Variants in KLK5 observed in about 807,000 individuals in gnomAD.
KLK5 encodes the protein kallikrein-5.
KLK5 carries 18 observed loss-of-function variants against 24.0 expected under a neutral mutation model. The observed-to-expected ratio is 0.75, with a 90% CI of 0.52 to 1.11. The LOEUF (loss-of-function observed/expected upper bound fraction) is 1.11, where lower values mean the gene tolerates loss of function less well. Among genes scored for constraint, KLK5 ranks in the 50% most tolerant of loss-of-function variants. The pLI is 0.00. For missense variants in KLK5, 374 were observed against 379.2 expected (o/e 0.99, Z 0.11); for synonymous variants, 140 against 154.0 (o/e 0.91, Z 0.67).
chr19:50,949,791 ACTTCCCCAC>A, intron 3 of KLK5, 55 bp downstream of exon 3: 1 of 71,648 alleles, frequency 1.4e-5, no homozygotes, highest in Non-Finnish European at 2.4e-5. Flanking sequence ...CCCCACCCCC[ACTTCCCCAC>A]CCCCACCCCC....
chr19:50,951,516 C>A (rs1330335587), intron 2 of KLK5, among the ~76,000 whole-genome samples: 1 of 152,102 alleles, frequency 6.6e-6, no homozygotes, highest in African/African-American at 2.4e-5. Context: ...AGGTGATCCG[C>A]CTGCCTCGGC....
intron 5 of KLK5, among the ~76,000 whole-genome samples, chr19:50,945,325 G>A (rs1406930107): frequency 6.7e-6 from 1 of 149,940 alleles, no homozygotes; most frequent in Non-Finnish European, 1.5e-5. Flanking sequence ...TTTATTGCCT[G>A]TCTTCCACTT....
At chr19:50,943,857 C>A in intron 5 of KLK5, 71 bp from the exon 6 acceptor site, 1 of 1,191,670 alleles carries the variant, frequency 8.4e-7, no homozygotes. Context: ...ACATGAGAGA[C>A]CCAGAGATGC....
At chr19:50,949,793 T>G (rs2090668573) in intron 3 of KLK5, 62 bp downstream of exon 3, 12 of 91,860 alleles carry the variant, frequency 1.3e-4, no homozygotes, top group African/African-American at 1.4e-4. Flanking sequence ...CCACCCCCAC[T>G]TCCCCACCCC....
Position 50,950,079 on chromosome 19 carries a change from G to T in KLK5, c.111C>A (p.His37Gln), listed in dbSNP as rs1231738267. The change falls in exon 3 of 6, where the codon CAC becomes CAA. Residue 37 changes from histidine to glutamine, a missense_variant. Transcript: ENST00000336334. ...VLANNDVSCD[H>Q]PSNTVPSGSN... ...TCCCAGAGGGCACGGTGTTAGAGGGGTGGTCACAGGAAACATCATTGTTGG... is the reference window on the plus strand; with the variant it reads ...TCCCAGAGGGCACGGTGTTAGAGGGTTGGTCACAGGAAACATCATTGTTGG... 1 of 1,613,500 alleles carries T rather than the reference G, an allele frequency of 6.2e-7. No individual in the cohort carries two copies. The highest frequency in any genetic ancestry group is 1.7e-5 in the Admixed American group (1 of 59,936).
rs550293539 is a variant in KLK5, at chr19:50,948,915, G to A, written c.536C>T (p.Pro179Leu). 3 of 1,614,000 alleles carry A rather than the reference G, an allele frequency of 1.9e-6. No homozygotes were observed. The South Asian group carries it at 3.3e-5, about 18-fold the overall frequency. Reference protein sequence around the residue: ...VRPINVSSHCPSAGTKCLVSG... With the variant: ...VRPINVSSHCLSAGTKCLVSG... ...CACCAAGCACTTTGTCCCAGCAGAG[G>A]GACAATGAGAGGAGACGTTGATGGG... Residue 179 changes from proline (P) to leucine (L), a missense_variant, in exon 4 of 6, where the codon CCC becomes CTC. By Grantham distance (98) the Pro-to-Leu change is moderately conservative. Coordinates refer to ENST00000336334, the MANE Select transcript of KLK5 (RefSeq NM_012427.5).
In KLK5 at chr19:50,948,853, A is replaced by C. The variant is rs770205943; in HGVS notation, c.592+6T>G. On this transcript the variant is annotated splice_donor_region_variant and intron_variant, in intron 4 of 5. Coordinates refer to ENST00000336334, the MANE Select transcript of KLK5 (RefSeq NM_012427.5). ...GGTCGGTATCAAGAAGAACCTGGAC[A>C]CTCACCTTGGGGGCTCTTGGTTGTC... 1 of 1,613,906 alleles carries C rather than the reference A, an allele frequency of 6.2e-7. No individual in the cohort carries two copies. Among genetic ancestry groups the C allele is most frequent in the Non-Finnish European group, 8.5e-7 (1 of 1,179,980 alleles).
chr19:50,952,121 C>A (rs1349092831), intron 2 of KLK5, among the ~76,000 whole-genome samples: 1 of 100,828 alleles, frequency 9.9e-6, no homozygotes, highest in African/African-American at 3.9e-5. Flanking sequence ...AGCACACAGT[C>A]ACAGCTTTCC....
chr19:50,945,137 T>C (rs1431391097), intron 5 of KLK5, among the ~76,000 whole-genome samples: 2 of 151,290 alleles, frequency 1.3e-5, no homozygotes, highest in African/African-American at 4.9e-5. Context: ...CGTCTTGCTT[T>C]GTCACCCAGG....
At chr19:50,950,667 G>A (rs868829581) in intron 2 of KLK5, among the ~76,000 whole-genome samples, 3 of 152,176 alleles carry the variant, frequency 2.0e-5, no homozygotes, top group East Asian at 1.9e-4. Context: ...CGAGGTGGGC[G>A]GATCACCTGA....
At position 50,951,551 on chromosome 19, in the gene KLK5, C is replaced by T. The variant is rs535304391; in HGVS notation, c.73+1034G>A. On this transcript the variant is annotated intron_variant, in intron 2 of 5. Transcript: ENST00000336334. ...CCTCCCAAAGGGCTGGGATTACAGG[C>T]GTGAGCCACCGCGCCCGGCCTGGTT... Among the ~76,000 whole-genome samples the T allele has an allele frequency of 6.5e-3, 985 of 152,254 alleles. 4 individuals are homozygous for T. The highest frequency in any genetic ancestry group is 0.023 in the African/African-American group (948 of 41,542).
intron 3 of KLK5, 127 bp downstream of exon 3, chr19:50,949,728 T>C: frequency 4.0e-6 from 2 of 494,292 alleles, no homozygotes; most frequent in South Asian, 2.1e-5. Flanking sequence ...TCACCTTCCA[T>C]GACACCCCCA....
chr19:50,943,866 GC>G, intron 5 of KLK5, 80 bp from the exon 6 acceptor site: 1 of 1,106,944 alleles, frequency 9.0e-7, no homozygotes, highest in Non-Finnish European at 1.3e-6. Flanking sequence ...ACCCAGAGAT[GC>G]CCATAGATGG....
intron 2 of KLK5, among the ~76,000 whole-genome samples, chr19:50,951,027 A>G (rs2090683224): frequency 1.3e-5 from 2 of 151,638 alleles, no homozygotes; most frequent in African/African-American, 2.4e-5. Context: ...GTGGTTGAGG[A>G]AAGGAGGTGG....
Position 50,952,960 on chromosome 19 carries a change from A to C in KLK5, c.-225T>G. On this transcript the variant is annotated 5_prime_UTR_variant, in exon 1 of 6. Coordinates refer to ENST00000336334, the MANE Select transcript of KLK5 (RefSeq NM_012427.5). ...CCAGGTCTCACTTGCCCTGTCCCCCAGGTAGGGGGTGGGGGATTTGCTCCC... is the reference window on the plus strand; with the variant it reads ...CCAGGTCTCACTTGCCCTGTCCCCCCGGTAGGGGGTGGGGGATTTGCTCCC... The C allele has an allele frequency of 3.8e-6, 1 of 264,708 alleles. No individual in the cohort carries two copies. Among genetic ancestry groups the C allele is most frequent in the East Asian group, 6.8e-5 (1 of 14,734 alleles). 16.4% of individuals were successfully genotyped at this position (264,708 alleles called of 1,614,324 possible).
At position 50,952,672 on chromosome 19, in the gene KLK5, G is replaced by A; in HGVS notation, c.-11-4C>T. The A allele has an allele frequency of 1.3e-6, 2 of 1,589,376 alleles. No individual in the cohort carries two copies. The highest frequency in any genetic ancestry group is 1.7e-6 in the Non-Finnish European group (2 of 1,167,396). On this transcript the variant is annotated splice_region_variant and splice_polypyrimidine_tract_variant and intron_variant, in intron 1 of 5. Coordinates refer to ENST00000336334, the MANE Select transcript of KLK5 (RefSeq NM_012427.5). ...GCTGTAGCCATGGCCGCTGCACCTG[G>A]ATGGGGAATGTCAGAGGGTTGGGAG... is the stretch of plus-strand genomic sequence containing the variant.
At chr19:50,952,183 A>AT (rs61409696) in intron 2 of KLK5, among the ~76,000 whole-genome samples, 2 of 151,156 alleles carry the variant, frequency 1.3e-5, no homozygotes, top group Admixed American at 1.3e-4. Context: ...AGGGACAGGA[A>AT]CTGCAGATAC....
rs753059112 is a variant in KLK5, at chr19:50,949,111, A to G, written c.340T>C (p.Phe114Leu). 1 of 1,611,664 alleles carries G rather than the reference A, an allele frequency of 6.2e-7. No homozygotes were observed. Among genetic ancestry groups the G allele is most frequent in the Non-Finnish European group, 8.5e-7 (1 of 1,179,760 alleles). Reference sequence around the variant, plus strand: ...GAGTAGTGGCCGAGACGGACTCTGAAAACTCTGAGGAAGATGGGGCAGGTC... The same window carrying G: ...GAGTAGTGGCCGAGACGGACTCTGAGAACTCTGAGGAAGATGGGGCAGGTC... ...LTAAHCRKKV[F>L]RVRLGHYSLS... Residue 114 changes from phenylalanine to leucine, a missense_variant, in exon 4 of 6, where the codon TTC (phenylalanine) becomes CTC (leucine). Transcript: ENST00000336334.
At chr19:50,949,691 A>C (rs887670831) in intron 3 of KLK5, among the ~76,000 whole-genome samples, 164 bp downstream of exon 3, 8 of 142,784 alleles carry the variant, frequency 5.6e-5, no homozygotes, top group African/African-American at 2.2e-4. Context: ...TCCTGCTCCC[A>C]CATCCCCAAC....
Sources: gnomAD v4.1 joint callset for allele counts (sites outside exome capture counted in the v4.1 genomes callset) on GRCh38, gnomAD v4.1.1 for gene constraint, MANE v1.5 for transcripts, NCBI Gene and HGNC (gene_info 2026-07-23, HGNC 2026-07-21) for gene names.